Variants in ZBTB20 observed in about 807,000 individuals in gnomAD.
ZBTB20 encodes zinc finger and BTB domain-containing protein 20.
ZBTB20 carries 9 observed loss-of-function variants against 56.9 expected under a neutral mutation model. The observed-to-expected ratio is 0.16, with a 90% CI of 0.10 to 0.28. The LOEUF is 0.28. Ranked by LOEUF, ZBTB20 falls within the 10% of genes least tolerant of loss-of-function variation. ZBTB20 has a pLI of 1.00. For missense variants in ZBTB20, 655 were observed against 1,003.0 expected (o/e 0.65, Z 4.69); for synonymous variants, 417 against 420.7 (o/e 0.99, Z 0.11).
At chr3:115,137,887 T>C (rs2084694312) in intron 1 of ZBTB20, among the ~76,000 whole-genome samples, 1 of 152,054 alleles carries the variant, frequency 6.6e-6, no homozygotes, top group Non-Finnish European at 1.5e-5. Context: ...TGTGCTACAT[T>C]GCATATCTTT....
intron 10 of ZBTB20, among the ~76,000 whole-genome samples, chr3:114,363,980 T>A (rs1265071845): frequency 6.6e-6 from 1 of 152,194 alleles, no homozygotes; most frequent in Non-Finnish European, 1.5e-5. Flanking sequence ...ACAGGCCTAC[T>A]ATTGAATACA....
At chr3:114,845,546 T>C (rs1579128780) in intron 4 of ZBTB20, among the ~76,000 whole-genome samples, 1 of 151,882 alleles carries the variant, frequency 6.6e-6, no homozygotes, top group African/African-American at 2.4e-5. Context: ...TATGAACCCC[T>C]GCAAATAAAT....
At chr3:114,651,246 T>G (rs1343117851) in intron 6 of ZBTB20, among the ~76,000 whole-genome samples, 1 of 152,008 alleles carries the variant, frequency 6.6e-6, no homozygotes, top group East Asian at 1.9e-4. Flanking sequence ...ACAATCAGAC[T>G]TGGGCAGTAT....
At chr3:114,561,799 C>A (rs80194074) in intron 6 of ZBTB20, among the ~76,000 whole-genome samples, 24,928 of 151,970 alleles carry the variant, frequency 0.16, 2,250 homozygotes, top group South Asian at 0.25. Flanking sequence ...CCTAACAAGA[C>A]AGTAAGCCTA....
chr3:114,835,327 T>C (rs1023379875), intron 4 of ZBTB20, among the ~76,000 whole-genome samples: 2 of 150,892 alleles, frequency 1.3e-5, no homozygotes, highest in South Asian at 4.2e-4. Flanking sequence ...TAGATTTGGA[T>C]TTTTTTTTGT....
At chr3:114,510,996 A>C (rs2045307029) in intron 6 of ZBTB20, among the ~76,000 whole-genome samples, 1 of 152,038 alleles carries the variant, frequency 6.6e-6, no homozygotes, top group Admixed American at 6.6e-5. Context: ...AACTTTTCAA[A>C]AAAGAAAAAA....
chr3:114,532,172 G>C (rs2110037789), intron 6 of ZBTB20, among the ~76,000 whole-genome samples: 1 of 152,322 alleles, frequency 6.6e-6, no homozygotes, highest in East Asian at 1.9e-4. Flanking sequence ...GCTGAAGCCA[G>C]GGAGCCAAGT....
intron 7 of ZBTB20, among the ~76,000 whole-genome samples, chr3:114,488,900 T>TA (rs2042430157): frequency 6.6e-6 from 1 of 152,256 alleles, no homozygotes; most frequent in Non-Finnish European, 1.5e-5. Flanking sequence ...TGTAGATCTA[T>TA]ATTTATTAAC....
At chr3:115,028,046 A>G (rs2080499112) in intron 2 of ZBTB20, among the ~76,000 whole-genome samples, 1 of 150,834 alleles carries the variant, frequency 6.6e-6, no homozygotes, top group African/African-American at 2.4e-5. Flanking sequence ...CTGAGTAAAC[A>G]TCCATTCATT....
intron 3 of ZBTB20, among the ~76,000 whole-genome samples, chr3:114,925,956 T>C (rs1337452617): frequency 6.6e-6 from 1 of 152,248 alleles, no homozygotes; most frequent in Non-Finnish European, 1.5e-5. Context: ...GACATTAATT[T>C]GGCTAATCTC....
intron 5 of ZBTB20, among the ~76,000 whole-genome samples, chr3:114,715,660 T>C (rs554911418): frequency 1.3e-5 from 2 of 152,334 alleles, no homozygotes; most frequent in Admixed American, 1.3e-4. Context: ...ATGAGAATTA[T>C]GAGGTTACTT....
chr3:115,104,859 T>C (rs1193700193), intron 1 of ZBTB20, among the ~76,000 whole-genome samples: 1 of 152,156 alleles, frequency 6.6e-6, no homozygotes, highest in African/African-American at 2.4e-5. Flanking sequence ...ACTATGGGCC[T>C]GGAGTAATAA....
intron 5 of ZBTB20, among the ~76,000 whole-genome samples, chr3:114,798,752 T>G (rs2071509172): frequency 6.6e-6 from 1 of 151,952 alleles, no homozygotes; most frequent in Non-Finnish European, 1.5e-5. Flanking sequence ...AATCTTAAAA[T>G]ATATAAAATG....
At chr3:114,913,338 T>C (rs780527985) in intron 3 of ZBTB20, among the ~76,000 whole-genome samples, 3 of 152,144 alleles carry the variant, frequency 2.0e-5, no homozygotes, top group Non-Finnish European at 2.9e-5. Context: ...TGATCAATGA[T>C]GTTGAGCACT....
chr3:115,053,601 TTAAG>T (rs1245091429), intron 2 of ZBTB20, among the ~76,000 whole-genome samples: 3 of 152,110 alleles, frequency 2.0e-5, no homozygotes, highest in Non-Finnish European at 4.4e-5. Flanking sequence ...TTTGTGTAAA[TTAAG>T]TATGTGTATA....
At chr3:114,947,000 C>T (rs1235034131) in intron 3 of ZBTB20, among the ~76,000 whole-genome samples, 3 of 144,770 alleles carry the variant, frequency 2.1e-5, no homozygotes, top group Non-Finnish European at 4.4e-5. Context: ...GGGCAAAAGA[C>T]ATGAATAGCC....
chr3:114,986,896 C>T (rs1027201298), intron 2 of ZBTB20, among the ~76,000 whole-genome samples: 2 of 152,126 alleles, frequency 1.3e-5, no homozygotes, highest in Non-Finnish European at 2.9e-5. Flanking sequence ...ATAAATCCTA[C>T]TGCCAATCAG....
At chr3:114,956,360 C>T (rs755977378) in intron 3 of ZBTB20, among the ~76,000 whole-genome samples, 1 of 152,174 alleles carries the variant, frequency 6.6e-6, no homozygotes, top group African/African-American at 2.4e-5. Context: ...CAGTTCACCC[C>T]TTTGTGACCA....
intron 5 of ZBTB20, among the ~76,000 whole-genome samples, chr3:114,782,923 T>C (rs968600564): frequency 1.3e-5 from 2 of 152,210 alleles, no homozygotes; most frequent in Non-Finnish European, 2.9e-5. Flanking sequence ...TTGGCTATTA[T>C]TTGATGCATA....
Sources: gnomAD v4.1 joint callset for allele counts (sites outside exome capture counted in the v4.1 genomes callset) on GRCh38, gnomAD v4.1.1 for gene constraint, MANE v1.5 for transcripts, NCBI Gene and HGNC (gene_info 2026-07-23, HGNC 2026-07-21) for gene names.